LARP1B: variants seen among roughly 807,000 people sequenced by gnomAD.
LARP1B encodes the protein la-related protein 1B.
In LARP1B, 76 loss-of-function variants were observed where a neutral mutation model predicts 114.2. That is an observed-to-expected ratio of 0.67 (90% CI 0.55 to 0.81). The LOEUF (loss-of-function observed/expected upper bound fraction) is 0.81, where lower values mean the gene tolerates loss of function less well. LARP1B is among the 30% of genes least tolerant of loss of function. LARP1B has a pLI of 0.00. For synonymous variants in LARP1B, 345 were observed against 348.0 expected (o/e 0.99, Z 0.10); for missense variants, 1,014 against 1,075.8 (o/e 0.94, Z 0.80).
rs373597686 is a variant in LARP1B at position 128,162,240 on chromosome 4, A to C, written c.1571A>C (p.Gln524Pro). 1.9e-6 allele frequency: 3 copies of C among 1,612,672 alleles called. No homozygotes were observed. The highest frequency in any genetic ancestry group is 2.7e-5 in the African/African-American group (2 of 74,894). The change falls in exon 12 of 20, where the codon CAG becomes CCG. Residue 524 changes from glutamine to proline, a missense_variant. Transcript: ENST00000326639. ...FKKLNLISKEQFENLTPELPF... is the reference protein window; with the variant it reads ...FKKLNLISKEPFENLTPELPF... ...AAGCTAAATCTCATTAGTAAAGAGC[A>C]GTTTGAAAACCTAACACCTGAACTT...
intron 19 of LARP1B, among the ~76,000 whole-genome samples, chr4:128,208,574 C>T (rs765971812): frequency 2.0e-5 from 3 of 152,150 alleles, no homozygotes; most frequent in Non-Finnish European, 4.4e-5. Context: ...GAGACTCTTG[C>T]CCCATCTGAA....
Position 128,086,076 on chromosome 4 carries a change from C to T in LARP1B, c.358+3771C>T, listed in dbSNP as rs1046698728. On this transcript the variant is annotated intron_variant, in intron 5 of 19. Coordinates refer to ENST00000326639, the MANE Select transcript of LARP1B (RefSeq NM_018078.4). Reference sequence around the variant, plus strand: ...TCGCCCAGGCTGGAGTGCAGTGGCGCGATCTCGGCTCGCTGCAAGTTCCGC... The same window carrying T: ...TCGCCCAGGCTGGAGTGCAGTGGCGTGATCTCGGCTCGCTGCAAGTTCCGC... 7.1e-5 allele frequency among the ~76,000 whole-genome samples: 10 copies of T among 141,390 alleles called. 1 individual carries two copies. In the South Asian group the frequency reaches 1.6e-3, roughly 22 times the overall value. 92.8% of individuals were successfully genotyped at this position (141,390 alleles called of 152,430 possible).
chr4:128,107,312 A>AG lies in LARP1B; in HGVS notation c.988+1dup. 1 of 1,614,018 alleles carries AG rather than the reference A, an allele frequency of 6.2e-7. No individual in the cohort carries two copies. The highest frequency in any genetic ancestry group is 8.5e-7 in the Non-Finnish European group (1 of 1,179,958). ...CAGGCCAAGCCTTTTGCTCACATACAGGTAACATCTTTTCTTCTAGAGCAA... is the reference window on the plus strand; with the variant it reads ...CAGGCCAAGCCTTTTGCTCACATACAGGGTAACATCTTTTCTTCTAGAGCAA... On this transcript the variant is annotated frameshift_variant and splice_region_variant, in exon 9 of 20. Transcript: ENST00000326639. LOFTEE classifies it high-confidence loss of function.
In LARP1B at chr4:128,093,328, GGCTCACGCCTGTA is replaced by G. The variant is rs549204024; in HGVS notation, c.668+1817_668+1829del. ...AAAAGTTTTCCTGGCCAGGTGCGGT[GGCTCACGCCTGTA>G]ATCCTAGCACTTTGGGAGGCCGAGG... On this transcript the variant is annotated intron_variant, in intron 7 of 19. Transcript: ENST00000326639. Among the ~76,000 whole-genome samples the G allele has an allele frequency of 6.4e-4, 98 of 152,278 alleles. No individual in the cohort carries two copies. In the South Asian group the frequency reaches 7.7e-3, roughly 12 times the overall value.
chr4:128,108,519 A>G, intron 9 of LARP1B: 1 of 985,648 alleles, frequency 1.0e-6, no homozygotes, highest in Non-Finnish European at 1.2e-6. Flanking sequence ...CGTCCCATCA[A>G]CAAAGCATCG....
intron 5 of LARP1B, among the ~76,000 whole-genome samples, chr4:128,083,805 C>A (rs1441803790): frequency 6.7e-6 from 1 of 149,924 alleles, no homozygotes; most frequent in Non-Finnish European, 1.5e-5. Context: ...GGGGGCTGAC[C>A]CCCCCACCTC....
At chr4:128,179,701 A>G (rs1203979675) in intron 15 of LARP1B, among the ~76,000 whole-genome samples, 189 bp downstream of exon 15, 1 of 152,166 alleles carries the variant, frequency 6.6e-6, no homozygotes, top group Non-Finnish European at 1.5e-5. Context: ...CCAGTTGGAC[A>G]GTTTTTTTTT....
intron 5 of LARP1B, among the ~76,000 whole-genome samples, chr4:128,090,205 T>C (rs1399367372): frequency 1.3e-5 from 2 of 151,998 alleles, no homozygotes; most frequent in South Asian, 2.1e-4. Context: ...CCCGAGTAGC[T>C]GGGATTACAG....
chr4:128,094,716 T>G (rs1162933140), intron 7 of LARP1B, among the ~76,000 whole-genome samples: 1 of 152,120 alleles, frequency 6.6e-6, no homozygotes, highest in Non-Finnish European at 1.5e-5. Context: ...TTGTAACTTG[T>G]GACTAAATTA....
In LARP1B at chr4:128,121,857, A is replaced by G; in HGVS notation, c.1193A>G (p.Asn398Ser). 1 of 1,602,166 alleles carries G rather than the reference A, an allele frequency of 6.2e-7. No homozygotes were observed. Among genetic ancestry groups the G allele is most frequent in the Non-Finnish European group, 8.5e-7 (1 of 1,174,632 alleles). Residue 398 changes from asparagine (N) to serine (S), a missense_variant, in exon 11 of 20, where the codon AAT becomes AGT. Coordinates refer to ENST00000326639, the MANE Select transcript of LARP1B (RefSeq NM_018078.4). Reference protein sequence around the residue: ...ESVSVPEGSLNQLCSSEEPEQ... With the variant: ...ESVSVPEGSLSQLCSSEEPEQ... Reference sequence around the variant, plus strand: ...GTGTCTGTCCCTGAAGGGTCATTAAATCAGCTATGTTCTTCAGAAGAACCA... The same window carrying G: ...GTGTCTGTCCCTGAAGGGTCATTAAGTCAGCTATGTTCTTCAGAAGAACCA...
intron 1 of LARP1B, chr4:128,069,398 C>G (rs1393040687): frequency 6.6e-6 from 5 of 762,938 alleles, no homozygotes; most frequent in Admixed American, 1.7e-5. Context: ...AAGTTGCACC[C>G]TTAGGAACTG....
downstream of LARP1B, among the ~76,000 whole-genome samples, chr4:128,214,851 C>T (rs1759419518): frequency 6.8e-5 from 1 of 14,638 alleles, no homozygotes; most frequent in African/African-American, 2.8e-4. Flanking sequence ...CTCTGAGCTA[C>T]GGGAGGACAT....
At chr4:128,108,171 T>C in intron 9 of LARP1B, 20 of 1,237,898 alleles carry the variant, frequency 1.6e-5, no homozygotes, top group Non-Finnish European at 2.0e-5. Context: ...CTGGGCTGCA[T>C]GGGCTGCTTT....
intron 6 of LARP1B, 91 bp from the exon 7 acceptor site, chr4:128,091,256 G>A (rs2149576545): frequency 1.3e-6 from 2 of 1,513,380 alleles, no homozygotes; most frequent in Non-Finnish European, 1.8e-6. Context: ...ATGGTTTTAT[G>A]TTTGTTAACC....
chr4:128,120,992 G>A (rs553013466), intron 10 of LARP1B, among the ~76,000 whole-genome samples: 2 of 151,468 alleles, frequency 1.3e-5, no homozygotes, highest in African/African-American at 4.8e-5. Context: ...TGTATTTTTA[G>A]TAGAGACGGG....
intron 15 of LARP1B, among the ~76,000 whole-genome samples, chr4:128,189,324 C>CTTTTTT (rs70966089): frequency 2.9e-4 from 2 of 6,822 alleles, no homozygotes; most frequent in Non-Finnish European, 6.4e-4. Context: ...AGTATGGCTA[C>CTTTTTT]TTTTTTTTTT....
At chr4:128,121,704 G>T in intron 10 of LARP1B, 122 bp from the exon 11 acceptor site, 1 of 628,532 alleles carries the variant, frequency 1.6e-6, no homozygotes, top group South Asian at 3.1e-5. Flanking sequence ...TTTACAGTTT[G>T]GCTGTTAAAC....
In LARP1B at chr4:128,082,605, A is replaced by AT. The variant is rs149728326; in HGVS notation, c.358+310dup. On this transcript the variant is annotated intron_variant, in intron 5 of 19. Coordinates refer to ENST00000326639, the MANE Select transcript of LARP1B (RefSeq NM_018078.4). Reference sequence around the variant, plus strand: ...ATTCTGGGATCACCCATTTAATTTAATTTTTTTTTTCTCTTTAGGCTCCAT... The same window carrying AT: ...ATTCTGGGATCACCCATTTAATTTAATTTTTTTTTTTCTCTTTAGGCTCCAT... Among the ~76,000 whole-genome samples the AT allele has an allele frequency of 8.7e-5, 13 of 148,772 alleles. No homozygotes were observed. In the East Asian group the frequency reaches 9.9e-4, roughly 11 times the overall value.
At chr4:128,163,442 G>C (rs2150454093) in intron 12 of LARP1B, among the ~76,000 whole-genome samples, 1 of 152,244 alleles carries the variant, frequency 6.6e-6, no homozygotes, top group South Asian at 2.1e-4. Context: ...AATGTTAGCA[G>C]TCATTGATGA....
Sources: gnomAD v4.1 joint callset for allele counts (sites outside exome capture counted in the v4.1 genomes callset) on GRCh38, gnomAD v4.1.1 for gene constraint, MANE v1.5 for transcripts, NCBI Gene and HGNC (gene_info 2026-07-23, HGNC 2026-07-21) for gene names.